Variants in PRKACB observed in about 807,000 individuals in gnomAD.
PRKACB encodes the protein protein kinase cAMP-activated catalytic subunit beta.
A neutral mutation model predicts 51.4 loss-of-function variants in PRKACB; 16 were observed. The observed-to-expected ratio is 0.31, with a 90% CI of 0.21 to 0.47. PRKACB has a LOEUF of 0.47. PRKACB is among the 20% of genes least tolerant of loss of function. PRKACB has a pLI of 1.00. For synonymous variants in PRKACB, 147 were observed against 154.4 expected (o/e 0.95, Z 0.35); for missense variants, 309 against 464.5 (o/e 0.67, Z 3.08).
intron 8 of PRKACB, among the ~76,000 whole-genome samples, chr1:84,207,597 T>A (rs956083315): frequency 1.3e-4 from 20 of 152,248 alleles, no homozygotes; most frequent in Non-Finnish European, 2.6e-4. Flanking sequence ...TTTGTTAAAA[T>A]TTATCTCAAC....
At position 84,196,100 on chromosome 1, in the gene PRKACB, C is replaced by T. The variant is rs111694825; in HGVS notation, c.561-516C>T. On this transcript the variant is annotated intron_variant, in intron 5 of 9. Transcript: ENST00000370685. ...AATATTTTATGATATTTTTCCATAA[C>T]GAGCGTATGTCATTTTTGTAACAGG... 3.9e-3 allele frequency among the ~76,000 whole-genome samples: 598 copies of T among 152,108 alleles called. 7 individuals are homozygous for T. The highest frequency in any genetic ancestry group is 0.013 in the African/African-American group (551 of 41,486).
intron 2 of PRKACB, among the ~76,000 whole-genome samples, chr1:84,180,506 A>C (rs1359857408): frequency 2.6e-5 from 4 of 151,874 alleles, no homozygotes; most frequent in African/African-American, 7.2e-5. Flanking sequence ...AAAATTTCAC[A>C]AATCATCATT....
intron 1 of PRKACB, among the ~76,000 whole-genome samples, chr1:84,111,828 G>GATATATATATATATATAT (rs569118584): frequency 1.3e-5 from 2 of 151,810 alleles, no homozygotes; most frequent in African/African-American, 4.8e-5. Context: ...TGCAAGACCT[G>GATATATATATATATATAT]ATATATATAT....
rs1185417977 is a variant in PRKACB at position 84,199,088 on chromosome 1, CGT to C, written c.783+1265_783+1266del. Among the ~76,000 whole-genome samples the C allele has an allele frequency of 1.5e-3, 204 of 138,936 alleles. 1 individual carries two copies. Among genetic ancestry groups the C allele is most frequent in the South Asian group, 5.6e-3 (25 of 4,426 alleles). 91.1% of individuals were successfully genotyped at this position (138,936 alleles called of 152,430 possible). On this transcript the variant is annotated intron_variant, in intron 7 of 9. Coordinates refer to ENST00000370685, the MANE Select transcript of PRKACB (RefSeq NM_182948.4). The stretch of plus-strand genomic sequence containing the variant: ...ATATATGCATATATGTATATATATG[CGT>C]ATATATGCATATATGTATATATATG...
intron 1 of PRKACB, among the ~76,000 whole-genome samples, chr1:84,082,013 A>G (rs1451969504): frequency 6.6e-6 from 1 of 152,212 alleles, no homozygotes; most frequent in Admixed American, 6.5e-5. Flanking sequence ...AACAACTAAC[A>G]TTTTTTGAGG....
In PRKACB at chr1:84,235,203, G is replaced by A; in HGVS notation, c.1095G>A (p.Lys365=). The part of the protein sequence containing the change: ...QRKVEAPFIP[K]FRGSGDTSNF... ...AGGTTGAAGCTCCATTCATACCAAA[G>A]TTTAGAGGCTCTGGAGATACCAGCA... Residue 365 remains lysine (K), a synonymous_variant, in exon 10 of 10, where the codon AAG becomes AAA. Transcript: ENST00000370685. The A allele has an allele frequency of 1.2e-6, 2 of 1,613,872 alleles. No individual in the cohort carries two copies. The highest frequency in any genetic ancestry group is 1.6e-4 in the Middle Eastern group (1 of 6,062).
At chr1:84,088,154 C>G (rs987836021) in intron 1 of PRKACB, among the ~76,000 whole-genome samples, 1 of 152,126 alleles carries the variant, frequency 6.6e-6, no homozygotes, top group African/African-American at 2.4e-5. Context: ...CTTCGAAAAT[C>G]CAATGTAGAT....
chr1:84,217,850 C>T (rs1454985285), intron 9 of PRKACB, among the ~76,000 whole-genome samples: 1 of 152,096 alleles, frequency 6.6e-6, no homozygotes, highest in Non-Finnish European at 1.5e-5. Context: ...CTTCTATTTT[C>T]TTTTAGTGCT....
intron 1 of PRKACB, among the ~76,000 whole-genome samples, chr1:84,113,446 T>C (rs1424436049): frequency 1.3e-5 from 2 of 152,198 alleles, no homozygotes; most frequent in Non-Finnish European, 2.9e-5. Flanking sequence ...ACAGGTGCTT[T>C]GGAAACAGTT....
chr1:84,142,791 CTG>C (rs1343865722), upstream of PRKACB, among the ~76,000 whole-genome samples: 1 of 152,120 alleles, frequency 6.6e-6, no homozygotes, highest in Admixed American at 6.5e-5. Flanking sequence ...CACAAATGAA[CTG>C]TTAAATGGCA....
chr1:84,088,779 C>G (rs1042533361), intron 1 of PRKACB, among the ~76,000 whole-genome samples: 2 of 152,172 alleles, frequency 1.3e-5, no homozygotes, highest in East Asian at 1.9e-4. Context: ...TTAAACCAGG[C>G]ACTATGCTAG....
At chr1:84,101,643 A>C (rs1042631958) in intron 1 of PRKACB, among the ~76,000 whole-genome samples, 2 of 152,250 alleles carry the variant, frequency 1.3e-5, no homozygotes, top group African/African-American at 4.8e-5. Flanking sequence ...TATAACCTTT[A>C]AAGCAAAATT....
intron 9 of PRKACB, among the ~76,000 whole-genome samples, chr1:84,214,747 G>A (rs1572487610): frequency 2.0e-5 from 3 of 152,098 alleles, no homozygotes; most frequent in South Asian, 2.1e-4. Flanking sequence ...TGCCCACCTC[G>A]GCCTCCCAAA....
chr1:84,204,155 G>C (rs894063811), intron 8 of PRKACB, among the ~76,000 whole-genome samples: 2 of 151,910 alleles, frequency 1.3e-5, no homozygotes, highest in East Asian at 3.9e-4. Flanking sequence ...CTATCTCATA[G>C]TACATATGCA....
chr1:84,172,540 G>T (rs543852926), intron 1 of PRKACB, among the ~76,000 whole-genome samples: 1 of 151,814 alleles, frequency 6.6e-6, no homozygotes, highest in African/African-American at 2.4e-5. Flanking sequence ...ATGATTAGTT[G>T]TGAATGAATA....
At chr1:84,221,093 G>A (rs368040317) in intron 9 of PRKACB, among the ~76,000 whole-genome samples, 1 of 152,024 alleles carries the variant, frequency 6.6e-6, no homozygotes, top group Non-Finnish European at 1.5e-5. Flanking sequence ...AATGTTTGAT[G>A]GGAATCTTTT....
chr1:84,106,362 A>G (rs936210624), intron 1 of PRKACB, among the ~76,000 whole-genome samples: 1 of 152,202 alleles, frequency 6.6e-6, no homozygotes, highest in Admixed American at 6.5e-5. Context: ...AGAAAACTCC[A>G]TAGTCTGCCC....
Position 84,184,096 on chromosome 1 carries a change from G to C in PRKACB, c.438G>C (p.Val146=), listed in dbSNP as rs773853077. The change falls in exon 4 of 10, where the codon GTG becomes GTC. Residue 146 remains valine (V), a synonymous_variant. Transcript: ENST00000370685. ...ATGAGAAAAGAATATTACAGGCAGT[G>C]AATTTTCCTTTCCTTGTTCGACTGG... ...TLNEKRILQA[V]NFPFLVRLEY... 2 of 1,604,718 alleles carry C rather than the reference G, an allele frequency of 1.2e-6. No homozygotes were observed.
At chr1:84,152,455 G>T (rs753302819) in intron 1 of PRKACB, among the ~76,000 whole-genome samples, 1 of 152,126 alleles carries the variant, frequency 6.6e-6, no homozygotes, top group African/African-American at 2.4e-5. Context: ...GTTCTAGATG[G>T]CATCTTCTTC....
Sources: allele counts gnomAD v4.1 joint callset (sites outside exome capture counted in the v4.1 genomes callset), GRCh38; gene constraint gnomAD v4.1.1; transcripts MANE v1.5; gene names NCBI Gene and HGNC (gene_info 2026-07-23, HGNC 2026-07-21).